Variants in KLHL32 observed in about 807,000 individuals in gnomAD.
The protein encoded by KLHL32 is kelch-like protein 32.
A neutral mutation model predicts 64.8 loss-of-function variants in KLHL32; 35 were observed. That is an observed-to-expected ratio of 0.54 (90% CI 0.41 to 0.72). The LOEUF (loss-of-function observed/expected upper bound fraction) is 0.72, where lower values mean the gene tolerates loss of function less well. Among genes scored for constraint, KLHL32 ranks in the 30% least tolerant of loss-of-function variants. The pLI is 0.00. For missense variants in KLHL32, 589 were observed against 768.5 expected, an observed-to-expected ratio of 0.77 and a Z score of 2.76; for synonymous variants, 259 against 281.0, an observed-to-expected ratio of 0.92 and a Z score of 0.78.
intron 5 of KLHL32, among the ~76,000 whole-genome samples, chr6:97,079,862 TA>T (rs1252193944): frequency 6.6e-6 from 1 of 151,594 alleles, no homozygotes. Context: ...GAAACCTTTT[TA>T]GAAAAAAAAA....
At chr6:96,960,337 C>A (rs1773750892) in intron 1 of KLHL32, among the ~76,000 whole-genome samples, 1 of 152,088 alleles carries the variant, frequency 6.6e-6, no homozygotes, top group Admixed American at 6.6e-5. Flanking sequence ...GGTCATCTTC[C>A]CATAACTTGT....
At position 96,971,149 on chromosome 6, in the gene KLHL32, C is replaced by G. The variant is rs143375842; in HGVS notation, c.23+4066C>G. Reference sequence around the variant, plus strand: ...ATGTAACACCTTATTGGTAGTCTTACTTAAAAACTACTGCATATTTTTTAT... The same window carrying G: ...ATGTAACACCTTATTGGTAGTCTTAGTTAAAAACTACTGCATATTTTTTAT... On this transcript the variant is annotated intron_variant, in intron 2 of 10. Coordinates refer to ENST00000369261, the MANE Select transcript of KLHL32 (RefSeq NM_052904.4). 3.9e-5 allele frequency among the ~76,000 whole-genome samples: 6 copies of G among 152,262 alleles called. No homozygotes were observed. The East Asian group carries it at 1.2e-3, about 29-fold the overall frequency.
chr6:97,067,666 G>A (rs568397057), intron 5 of KLHL32, among the ~76,000 whole-genome samples: 1 of 152,270 alleles, frequency 6.6e-6, no homozygotes, highest in African/African-American at 2.4e-5. Context: ...ACACTGGTGG[G>A]TGTTGTTTTC....
chr6:96,954,507 G>A (rs1264824566), intron 1 of KLHL32, among the ~76,000 whole-genome samples: 1 of 152,110 alleles, frequency 6.6e-6, no homozygotes, highest in Non-Finnish European at 1.5e-5. Flanking sequence ...TATGATGTCA[G>A]ACTTCTTAGG....
Position 97,114,305 on chromosome 6 carries a change from A to G in KLHL32, c.1150A>G (p.Met384Val). 1.2e-6 allele frequency: 2 copies of G among 1,614,174 alleles called. No individual in the cohort carries two copies. The highest frequency in any genetic ancestry group is 1.7e-6 in the Non-Finnish European group (2 of 1,180,026). Residue 384 changes from methionine to valine, a missense_variant, in exon 7 of 11, where the codon ATG (methionine) becomes GTG (valine). By Grantham distance (21) the Met-to-Val change is conservative. This residue lies in a region of KLHL32 where 226 missense variants were observed against 353.2 expected (regional missense o/e 0.64). Transcript: ENST00000369261. ...RSNSWAEIAP[M>V]KNCREHFVLG... Reference sequence around the variant, plus strand: ...TAATTCCTGGGCAGAGATAGCACCCATGAAAAACTGCCGGGAGCATTTTGT... The same window carrying G: ...TAATTCCTGGGCAGAGATAGCACCCGTGAAAAACTGCCGGGAGCATTTTGT...
chr6:97,081,608 C>T (rs1198810590), intron 5 of KLHL32, among the ~76,000 whole-genome samples: 1 of 152,200 alleles, frequency 6.6e-6, no homozygotes, highest in Non-Finnish European at 1.5e-5. Flanking sequence ...AACGGCTTCT[C>T]AGGGAAGCCT....
intron 6 of KLHL32, among the ~76,000 whole-genome samples, chr6:97,106,949 C>G (rs1301757498): frequency 1.3e-5 from 2 of 151,998 alleles, no homozygotes; most frequent in East Asian, 3.9e-4. Context: ...TGAAGCAAAA[C>G]ATTCTTATTT....
intron 6 of KLHL32, among the ~76,000 whole-genome samples, chr6:97,094,843 TA>T (rs1250203513): frequency 6.6e-6 from 1 of 152,208 alleles, no homozygotes; most frequent in African/African-American, 2.4e-5. Context: ...TGAGGACACA[TA>T]TCTTCTTTGT....
At chr6:96,939,259 A>G (rs1281761388) in intron 1 of KLHL32, among the ~76,000 whole-genome samples, 1 of 152,226 alleles carries the variant, frequency 6.6e-6, no homozygotes, top group Non-Finnish European at 1.5e-5. Context: ...TCTCAGTAAT[A>G]CTGTTTTACT....
At chr6:97,100,733 A>G (rs1255141927) in intron 6 of KLHL32, among the ~76,000 whole-genome samples, 1 of 151,218 alleles carries the variant, frequency 6.6e-6, no homozygotes, top group Non-Finnish European at 1.5e-5. Flanking sequence ...ATAATATTGA[A>G]GATTTGATTT....
At chr6:96,928,309 T>C (rs1769414658) in intron 1 of KLHL32, among the ~76,000 whole-genome samples, 1 of 152,158 alleles carries the variant, frequency 6.6e-6, no homozygotes. Context: ...CCAGACAGTC[T>C]GTTGGAAATG....
At chr6:97,000,073 G>T (rs1056408585) in intron 3 of KLHL32, among the ~76,000 whole-genome samples, 4 of 152,154 alleles carry the variant, frequency 2.6e-5, no homozygotes, top group Non-Finnish European at 5.9e-5. Context: ...ATGGGACAAA[G>T]AAGGAAAAGT....
chr6:97,017,624 A>G lies in KLHL32; in HGVS notation c.205-23868A>G, dbSNP rs560768842. On this transcript the variant is annotated intron_variant, in intron 3 of 10. Coordinates refer to ENST00000369261, the MANE Select transcript of KLHL32 (RefSeq NM_052904.4). ...GACAAGCCAGACTATTCTGGAAATTATAGAAACAAGAGTGTGGCAGAGATG... is the reference window on the plus strand; with the variant it reads ...GACAAGCCAGACTATTCTGGAAATTGTAGAAACAAGAGTGTGGCAGAGATG... Among the ~76,000 whole-genome samples, 5 of 152,346 alleles carry G rather than the reference A, an allele frequency of 3.3e-5. No homozygotes were observed. The East Asian group carries it at 7.7e-4, about 23-fold the overall frequency.
chr6:96,942,147 G>A (rs920133036), intron 1 of KLHL32, among the ~76,000 whole-genome samples: 2 of 152,196 alleles, frequency 1.3e-5, no homozygotes, highest in South Asian at 4.1e-4. Context: ...TTTACAGCCA[G>A]CGGTTACCCC....
intron 2 of KLHL32, among the ~76,000 whole-genome samples, chr6:96,973,778 A>G (rs1414559222): frequency 7.6e-6 from 1 of 131,778 alleles, no homozygotes; most frequent in South Asian, 2.5e-4. Flanking sequence ...GCTGGAGTGC[A>G]GTGGCATGAT....
intron 3 of KLHL32, among the ~76,000 whole-genome samples, chr6:96,993,956 G>C (rs1778159420): frequency 6.6e-6 from 1 of 151,316 alleles, no homozygotes; most frequent in Non-Finnish European, 1.5e-5. Flanking sequence ...ATTCTGGACA[G>C]TAAGCATGCT....
At chr6:97,135,299 A>ATTCT (rs770479934) in intron 10 of KLHL32, among the ~76,000 whole-genome samples, 6 of 109,566 alleles carry the variant, frequency 5.5e-5, no homozygotes, top group Non-Finnish European at 7.1e-5. Context: ...AAATTTGTTA[A>ATTCT]TTTTTTTTTT....
At chr6:96,959,988 T>A (rs1020523836) in intron 1 of KLHL32, among the ~76,000 whole-genome samples, 3 of 152,182 alleles carry the variant, frequency 2.0e-5, no homozygotes, top group African/African-American at 7.2e-5. Context: ...TGGTTAAGGG[T>A]ATGGGCTCTG....
intron 1 of KLHL32, among the ~76,000 whole-genome samples, chr6:96,956,903 C>T (rs982613626): frequency 1.3e-5 from 2 of 152,150 alleles, no homozygotes. Flanking sequence ...AATAGTAGCA[C>T]ATTAAGGTAT....
Sources: gnomAD v4.1 joint callset for allele counts (sites outside exome capture counted in the v4.1 genomes callset) on GRCh38, gnomAD v4.1.1 for gene constraint, gnomAD v4.1.1 regional missense constraint, MANE v1.5 for transcripts, NCBI Gene and HGNC (gene_info 2026-07-23, HGNC 2026-07-21) for gene names.